Variants in VAV2 observed in about 807,000 individuals in gnomAD.
VAV2 encodes vav guanine nucleotide exchange factor 2, also known as guanine nucleotide exchange factor VAV2.
VAV2 carries 67 observed loss-of-function variants against 132.5 expected under a neutral mutation model. The ratio of observed to expected loss-of-function variants is 0.51; its 90% CI spans 0.42 to 0.62. The LOEUF (loss-of-function observed/expected upper bound fraction) is 0.62. Ranked by LOEUF, VAV2 falls within the 20% of genes least tolerant of loss-of-function variation. The pLI, the probability that VAV2 is intolerant of heterozygous loss-of-function variation, is 0.00. For synonymous variants in VAV2, 492 were observed against 443.5 expected (o/e 1.11, Z -1.37); for missense variants, 938 against 1,153.6 (o/e 0.81, Z 2.71).
chr9:133,974,935 G>A (rs908814702), intron 1 of VAV2, among the ~76,000 whole-genome samples: 3 of 150,296 alleles, frequency 2.0e-5, no homozygotes, highest in Non-Finnish European at 3.0e-5. Flanking sequence ...TTGTGGTACC[G>A]TGGGGAGCGG....
chr9:133,900,770 T>C (rs543527855), intron 2 of VAV2, among the ~76,000 whole-genome samples: 795 of 21,574 alleles, frequency 0.037, 8 homozygotes, highest in Middle Eastern at 0.15. Flanking sequence ...TGTCTTGATT[T>C]ATTTATTTAT....
chr9:133,945,837 A>G (rs1451360215), intron 1 of VAV2, among the ~76,000 whole-genome samples: 1 of 152,068 alleles, frequency 6.6e-6, no homozygotes, highest in Non-Finnish European at 1.5e-5. Context: ...CTTGCACACA[A>G]CCACATTCCA....
At chr9:133,856,195 A>G (rs1425591568) in intron 3 of VAV2, among the ~76,000 whole-genome samples, 1 of 152,236 alleles carries the variant, frequency 6.6e-6, no homozygotes, top group Non-Finnish European at 1.5e-5. Flanking sequence ...AGATGTTGTG[A>G]AAGCAGATAG....
In VAV2 at chr9:133,857,777, G is replaced by C. The variant is rs1007775431; in HGVS notation, c.380+3597C>G. 1.3e-5 allele frequency among the ~76,000 whole-genome samples: 2 copies of C among 152,156 alleles called. No individual in the cohort carries two copies. The highest frequency in any genetic ancestry group is 4.8e-5 in the African/African-American group (2 of 41,446). On this transcript the variant is annotated intron_variant, in intron 3 of 29. Transcript: ENST00000371850. The surrounding 1 kb of genome is among the most constrained non-coding windows in gnomAD (Gnocchi z 4.0). ...CCTGTCACCTGTCTCCTGAGCTCCC[G>C]GGTGAGCGTGTGAACCAGTGGAGGT...
chr9:133,941,608 T>TTG (rs1491571164), intron 1 of VAV2, among the ~76,000 whole-genome samples: 2 of 135,540 alleles, frequency 1.5e-5, no homozygotes, highest in Non-Finnish European at 3.1e-5. Flanking sequence ...CACTTTTTTT[T>TTG]GGGGGGGGGG....
intron 1 of VAV2, among the ~76,000 whole-genome samples, chr9:133,963,221 T>C (rs986695995): frequency 1.3e-5 from 2 of 152,134 alleles, no homozygotes; most frequent in African/African-American, 4.8e-5. Context: ...ACAGTATTCC[T>C]CTAGTAAGTA....
At chr9:133,839,538 C>A (rs1008497909) in intron 3 of VAV2, among the ~76,000 whole-genome samples, 3 of 151,674 alleles carry the variant, frequency 2.0e-5, no homozygotes, top group African/African-American at 7.3e-5. Flanking sequence ...GCAACCTCTG[C>A]CTCCCGGGTT....
Position 133,826,002 on chromosome 9 carries a change from G to C in VAV2, c.449+8270C>G, listed in dbSNP as rs551482451. Among the ~76,000 whole-genome samples, 1 of 152,182 alleles carries C rather than the reference G, an allele frequency of 6.6e-6. No homozygotes were observed. Among genetic ancestry groups the C allele is most frequent in the Non-Finnish European group, 1.5e-5 (1 of 68,034 alleles). The stretch of plus-strand genomic sequence containing the variant: ...CAATAAAGCATGCAGCTCTACATTC[G>C]CGGATACATTACATTCCCTGCCGTG... On this transcript the variant is annotated intron_variant, in intron 4 of 29. Transcript: ENST00000371850. This position sits in a 1 kb window ranked among gnomAD's most constrained non-coding sequence, Gnocchi z 4.2.
chr9:133,946,424 C>T (rs145457350), intron 1 of VAV2, among the ~76,000 whole-genome samples: 2 of 152,380 alleles, frequency 1.3e-5, no homozygotes, highest in Non-Finnish European at 2.9e-5. Flanking sequence ...CTCAGGAGAA[C>T]AGGCACTCTC....
At chr9:133,810,297 CCCA>C in intron 5 of VAV2, 92 bp from the exon 6 acceptor site, 1 of 1,584,076 alleles carries the variant, frequency 6.3e-7, no homozygotes, top group Non-Finnish European at 8.6e-7. Context: ...GGAACGCCAC[CCCA>C]CAACCAGCCA....
At chr9:133,807,826 C>T (rs1242471691) in intron 7 of VAV2, among the ~76,000 whole-genome samples, 1 of 152,238 alleles carries the variant, frequency 6.6e-6, no homozygotes, top group Admixed American at 6.5e-5. Context: ...GGACGAGAGT[C>T]CTCCAGCTCC....
Position 133,837,307 on chromosome 9 carries a change from G to T in VAV2, c.381-2967C>A, listed in dbSNP as rs1836508568. ...AAACTGCCTTCTGATGCCTCGTTAG[G>T]GCCTAAGAGCCCCACTCGCCATGAT... On this transcript the variant is annotated intron_variant, in intron 3 of 29. Coordinates refer to ENST00000371850, the MANE Select transcript of VAV2 (RefSeq NM_001134398.2). Among the ~76,000 whole-genome samples the T allele has an allele frequency of 2.0e-5, 3 of 152,112 alleles. No individual in the cohort carries two copies. The South Asian group carries it at 6.2e-4, about 32-fold the overall frequency.
At chr9:133,772,437 T>G (rs1257577485) in intron 25 of VAV2, among the ~76,000 whole-genome samples, 1 of 152,172 alleles carries the variant, frequency 6.6e-6, no homozygotes, top group African/African-American at 2.4e-5. Context: ...CATGTCCACT[T>G]GGCCGGCCAG....
At chr9:133,954,094 C>T (rs928408213) in intron 1 of VAV2, among the ~76,000 whole-genome samples, 10 of 152,182 alleles carry the variant, frequency 6.6e-5, no homozygotes, top group African/African-American at 2.2e-4. Flanking sequence ...CAAACACGGC[C>T]GAAACCGTCA....
rs994886767 is a variant in VAV2, at chr9:133,857,257, C to A, written c.380+4117G>T. 1.1e-4 allele frequency among the ~76,000 whole-genome samples: 17 copies of A among 152,208 alleles called. No individual in the cohort carries two copies. Among genetic ancestry groups the A allele is most frequent in the Non-Finnish European group, 1.9e-4 (13 of 68,038 alleles). ...ACAGCAAGACCCACATCCCCACACG[C>A]CTCGCTGGGTGCCTTCCACAAACCC... On this transcript the variant is annotated intron_variant, in intron 3 of 29. Transcript: ENST00000371850. This position sits in a 1 kb window ranked among gnomAD's most constrained non-coding sequence, Gnocchi z 4.0.
In VAV2 at chr9:133,804,592, T is replaced by A. The variant is rs1200809841; in HGVS notation, c.836+1489A>T. Among the ~76,000 whole-genome samples, 1 of 152,196 alleles carries A rather than the reference T, an allele frequency of 6.6e-6. No individual in the cohort carries two copies. The highest frequency in any genetic ancestry group is 1.9e-4 in the East Asian group (1 of 5,198). The stretch of plus-strand genomic sequence containing the variant: ...ATTCCTCCTCCAGGGCTTCAGCCTT[T>A]GACGGACCTCGAAGCAAACCACGCC... On this transcript the variant is annotated intron_variant, in intron 9 of 29. Coordinates refer to ENST00000371850, the MANE Select transcript of VAV2 (RefSeq NM_001134398.2). The surrounding 1 kb of genome is among the most constrained non-coding windows in gnomAD (Gnocchi z 4.5).
At chr9:133,777,557 G>T in intron 22 of VAV2, 94 bp from the exon 23 acceptor site, 1 of 1,220,966 alleles carries the variant, frequency 8.2e-7, no homozygotes, top group African/African-American at 1.5e-5. Flanking sequence ...TGCCAATCCC[G>T]CTCCTGGAGG....
chr9:133,786,303 T>C, intron 16 of VAV2, among the ~76,000 whole-genome samples: 1 of 152,180 alleles, frequency 6.6e-6, no homozygotes. Flanking sequence ...GGTACACACA[T>C]GTACTAACAC....
chr9:133,795,817 G>A (rs1834690233), intron 11 of VAV2, 81 bp from the exon 12 acceptor site: 3 of 1,506,810 alleles, frequency 2.0e-6, no homozygotes, highest in Admixed American at 1.8e-5. Context: ...GGCAGGAGGT[G>A]TGCACAGAAC....
Sources: gnomAD v4.1 joint callset for allele counts (sites outside exome capture counted in the v4.1 genomes callset) on GRCh38, gnomAD v4.1.1 for gene constraint, Gnocchi (gnomAD v3.1) non-coding constraint, MANE v1.5 for transcripts, NCBI Gene and HGNC (gene_info 2026-07-23, HGNC 2026-07-21) for gene names.